The following THADA variants were observed in gnomAD, a reference collection of about 807,000 sequenced individuals.
The protein encoded by THADA is THADA armadillo repeat containing.
In THADA, 213 loss-of-function variants were observed where a neutral mutation model predicts 219.8. The observed-to-expected ratio is 0.97, with a 90% CI of 0.87 to 1.09. THADA has a LOEUF of 1.09. THADA is among the 50% of genes least tolerant of loss of function. The pLI is 0.00. For missense variants in THADA, 2,956 were observed against 2,311.3 expected, an observed-to-expected ratio of 1.28 and a Z score of -5.72; for synonymous variants, 1,018 against 828.9, an observed-to-expected ratio of 1.23 and a Z score of -3.92.
intron 20 of THADA, among the ~76,000 whole-genome samples, chr2:43,543,074 C>A (rs371816762): frequency 7.1e-5 from 10 of 140,664 alleles, no homozygotes; most frequent in Admixed American, 6.2e-4. Flanking sequence ...CCTTCCTGTG[C>A]CCATGTGTTC....
Position 43,400,478 on chromosome 2 carries a change from A to ATATATATATATATATATATATATATAT in THADA, c.4059-2340_4059-2339insATATATATATATATATATATATATATA, listed in dbSNP as rs10687373. Among the ~76,000 whole-genome samples, 279 of 116,790 alleles carry ATATATATATATATATATATATATATAT rather than the reference A, an allele frequency of 2.4e-3. 21 individuals carry two copies. Among genetic ancestry groups the ATATATATATATATATATATATATATAT allele is most frequent in the Non-Finnish European group, 2.9e-3 (159 of 55,280 alleles). The allele number at this position is 116,790 out of a possible 152,430, so 76.6% of individuals were successfully genotyped here. On this transcript the variant is annotated intron_variant, in intron 28 of 37. Transcript: ENST00000405975. ...AAATTTATATATATATATATATATA[A>ATATATATATATATATATATATATATAT]ATATATACACTAAGAAAAAAAATTT...
chr2:43,309,870 G>A (rs1677288029), intron 31 of THADA, among the ~76,000 whole-genome samples: 1 of 152,148 alleles, frequency 6.6e-6, no homozygotes, highest in Non-Finnish European at 1.5e-5. Flanking sequence ...CAGTAATGTT[G>A]CAGGATAAAA....
Position 43,231,136 on chromosome 2 carries a change from C to G in THADA, c.5674G>C (p.Ala1892Pro), listed in dbSNP as rs1168265774. The G allele has an allele frequency of 3.7e-6, 6 of 1,613,782 alleles. No homozygotes were observed. In the African/African-American group the frequency reaches 6.7e-5, roughly 18 times the overall value. Residue 1892 changes from alanine (A) to proline (P), a missense_variant, in exon 38 of 38, where the codon GCT becomes CCT. Coordinates refer to ENST00000405975, the MANE Select transcript of THADA (RefSeq NM_022065.5). ...TCCACTGTCTTCACAAACTCAGCAG[C>G]TGGTGGAAGCTCTCTGAAGAACTGA... is the stretch of plus-strand genomic sequence containing the variant. ...LSQFFRELPPAAEFVKTVEFT... is the reference protein window; with the variant it reads ...LSQFFRELPPPAEFVKTVEFT...
At chr2:43,347,754 T>C (rs1352603187) in intron 29 of THADA, among the ~76,000 whole-genome samples, 1 of 152,140 alleles carries the variant, frequency 6.6e-6, no homozygotes, top group Non-Finnish European at 1.5e-5. Context: ...AAAATATTGG[T>C]ACTACTCAGG....
At chr2:43,557,821 A>T (rs1256935862) in intron 16 of THADA, among the ~76,000 whole-genome samples, 2 of 152,360 alleles carry the variant, frequency 1.3e-5, no homozygotes, top group East Asian at 1.9e-4. Flanking sequence ...AGTTGATTAT[A>T]GGTCTACAAA....
intron 30 of THADA, among the ~76,000 whole-genome samples, chr2:43,337,664 A>G (rs996880721): frequency 2.0e-5 from 3 of 151,512 alleles, no homozygotes; most frequent in Admixed American, 6.6e-5. Context: ...AATCAAACCT[A>G]AGGCAATAAC....
intron 28 of THADA, among the ~76,000 whole-genome samples, chr2:43,410,150 C>T (rs529874665): frequency 6.6e-6 from 1 of 152,160 alleles, no homozygotes; most frequent in East Asian, 1.9e-4. Context: ...AGATGCCCAA[C>T]ATCCTTAGAC....
intron 11 of THADA, 50 bp from the exon 12 acceptor site, chr2:43,573,042 T>A: frequency 2.2e-6 from 3 of 1,371,972 alleles, no homozygotes; most frequent in Non-Finnish European, 2.9e-6. Context: ...ATGACTACTA[T>A]AATTATCAGC....
chr2:43,535,697 A>AG (rs1694503449), intron 21 of THADA, among the ~76,000 whole-genome samples: 1 of 151,546 alleles, frequency 6.6e-6, no homozygotes, highest in Non-Finnish European at 1.5e-5. Context: ...AAAAAAAAAA[A>AG]AAAGAAAAAA....
chr2:43,579,008 C>T (rs1700137941), intron 8 of THADA, among the ~76,000 whole-genome samples: 1 of 152,052 alleles, frequency 6.6e-6, no homozygotes, highest in South Asian at 2.1e-4. Context: ...ATTTTTGTAT[C>T]TTTAGTAGAG....
At chr2:43,488,710 T>G (rs1426776602) in intron 25 of THADA, among the ~76,000 whole-genome samples, 8 of 152,230 alleles carry the variant, frequency 5.3e-5, no homozygotes, top group Admixed American at 1.3e-4. Flanking sequence ...GTAGTATTGC[T>G]TGGTCACAGA....
chr2:43,378,629 G>T (rs1159668014), intron 29 of THADA, among the ~76,000 whole-genome samples: 3 of 152,060 alleles, frequency 2.0e-5, no homozygotes, highest in Non-Finnish European at 4.4e-5. Context: ...TTTTTGAGAT[G>T]GAGTCTTGCT....
In THADA at chr2:43,397,922, G is replaced by C. The variant is rs755122703; in HGVS notation, c.4227+49C>G. ...AGCTAACAGTACATAAGAAACCAAA[G>C]TTCATCTTATGGTGTTTGACAGAAG... On this transcript the variant is annotated intron_variant, in intron 29 of 37. Transcript: ENST00000405975. 3 of 1,590,006 alleles carry C rather than the reference G, an allele frequency of 1.9e-6. No homozygotes were observed. The Admixed American group carries it at 5.0e-5, about 27-fold the overall frequency.
At chr2:43,517,350 A>C (rs1027189947) in intron 22 of THADA, among the ~76,000 whole-genome samples, 2 of 152,182 alleles carry the variant, frequency 1.3e-5, no homozygotes, top group Non-Finnish European at 2.9e-5. Flanking sequence ...AGTACATTTA[A>C]AGCCAACGTA....
chr2:43,234,227 A>G (rs1208373499), intron 36 of THADA, among the ~76,000 whole-genome samples: 1 of 152,222 alleles, frequency 6.6e-6, no homozygotes, highest in African/African-American at 2.4e-5. Flanking sequence ...CAAAGCGCAG[A>G]TTTGGAGACC....
chr2:43,303,496 A>G (rs1012933780), intron 31 of THADA, among the ~76,000 whole-genome samples: 12 of 152,148 alleles, frequency 7.9e-5, no homozygotes, highest in African/African-American at 2.9e-4. Flanking sequence ...GAGGAGAAGC[A>G]TAACCCAAAA....
intron 22 of THADA, among the ~76,000 whole-genome samples, chr2:43,526,560 A>G (rs1693192612): frequency 6.6e-6 from 1 of 151,904 alleles, no homozygotes; most frequent in African/African-American, 2.4e-5. Flanking sequence ...TGCTATTCCT[A>G]TATGTTTTAT....
At chr2:43,584,926 A>G (rs1700849006) in intron 7 of THADA, among the ~76,000 whole-genome samples, 1 of 152,222 alleles carries the variant, frequency 6.6e-6, no homozygotes, top group Admixed American at 6.5e-5. Flanking sequence ...GCAACATATT[A>G]CAAAAAGGAG....
At chr2:43,362,500 C>T (rs992755047) in intron 29 of THADA, among the ~76,000 whole-genome samples, 3 of 152,012 alleles carry the variant, frequency 2.0e-5, no homozygotes, top group Non-Finnish European at 2.9e-5. Flanking sequence ...TAAAAATATG[C>T]TATTAATATA....
Sources: allele counts gnomAD v4.1 joint callset (sites outside exome capture counted in the v4.1 genomes callset), GRCh38; gene constraint gnomAD v4.1.1; transcripts MANE v1.5; gene names NCBI Gene and HGNC (gene_info 2026-07-23, HGNC 2026-07-21).